The following ATG16L1 variants were observed in gnomAD, a reference collection of about 807,000 sequenced individuals.
ATG16L1 encodes autophagy-related protein 16-1.
A neutral mutation model predicts 88.5 loss-of-function variants in ATG16L1; 37 were observed. The observed-to-expected ratio is 0.42, with a 90% CI of 0.32 to 0.55. ATG16L1 has a LOEUF of 0.55. Ranked by LOEUF, ATG16L1 falls within the 20% of genes least tolerant of loss-of-function variation. ATG16L1 has a pLI of 0.13. For missense variants in ATG16L1, 554 were observed against 752.8 expected (o/e 0.74, Z 3.09); for synonymous variants, 301 against 281.0 (o/e 1.07, Z -0.71).
In ATG16L1 at chr2:233,251,895, G is replaced by A; in HGVS notation, c.68G>A (p.Arg23His). Reference protein sequence around the residue: ...WKRHISEQLRRRDRLQRQAFE... With the variant: ...WKRHISEQLRHRDRLQRQAFE... ...CGCCACATCTCGGAGCAACTGAGGC[G>A]CCGGGACCGGCTGCAGAGACAGGCG... is the stretch of plus-strand genomic sequence containing the variant. Residue 23 changes from arginine to histidine, a missense_variant, in exon 1 of 18, where the codon CGC becomes CAC. Arg to His is a conservative substitution (Grantham distance 29, BLOSUM62 0). Around this residue, in one of 5 missense-constraint regions of ATG16L1, gnomAD observed 101 missense variants for 107.0 expected, o/e 0.94. Coordinates refer to ENST00000392017, the MANE Select transcript of ATG16L1 (RefSeq NM_030803.7). 4 of 1,550,870 alleles carry A rather than the reference G, an allele frequency of 2.6e-6. No homozygotes were observed. The highest frequency in any genetic ancestry group is 2.0e-4 in the Middle Eastern group (1 of 5,068).
In ATG16L1 at chr2:233,260,785, A is replaced by G. The variant is rs1697153469; in HGVS notation, c.210-2345A>G. ...TCTAATCCTGAGGCTCCTCTGCCTG[A>G]TGATCTTGCCTCCATTTTGCCCTTC... On this transcript the variant is annotated intron_variant, in intron 2 of 17. Transcript: ENST00000392017. 2.0e-5 allele frequency among the ~76,000 whole-genome samples: 3 copies of G among 152,092 alleles called. No individual in the cohort carries two copies. The South Asian group carries it at 6.2e-4, about 31-fold the overall frequency.
In ATG16L1 at chr2:233,277,570, T is replaced by G; in HGVS notation, c.957T>G (p.Asp319Glu). ...GACACAGGGTGCTTGTCTTGCAGGA[T>G]GCACATGATGGGGAAGTCAACGCTG... ...RVPATALCVF[D>E]AHDGEVNAVQ... The change falls in exon 10 of 18, where the codon GAT (aspartate) becomes GAG (glutamate). Residue 319 changes from aspartate (D) to glutamate (E), a missense_variant and splice_region_variant. Physicochemically the swap from Asp to Glu is conservative, Grantham distance 45. Around this residue, in one of 5 missense-constraint regions of ATG16L1, gnomAD observed 370 missense variants for 509.7 expected, o/e 0.73. Transcript: ENST00000392017. The G allele has an allele frequency of 6.2e-7, 1 of 1,613,980 alleles. No homozygotes were observed.
At position 233,259,291 on chromosome 2, in the gene ATG16L1, C is replaced by G. The variant is rs114160418; in HGVS notation, c.209+3096C>G. Among the ~76,000 whole-genome samples the G allele has an allele frequency of 5.6e-3, 846 of 152,222 alleles. 5 individuals carry two copies. Among genetic ancestry groups the G allele is most frequent in the African/African-American group, 0.019 (808 of 41,516 alleles). On this transcript the variant is annotated intron_variant, in intron 2 of 17. Transcript: ENST00000392017. ...TCTAGCTTTGTGGTTCCTCATAGGA[C>G]ACATGCAGAAAATGGTGGCGTCAGC...
chr2:233,263,428 G>GA (rs1170961936), intron 3 of ATG16L1, among the ~76,000 whole-genome samples, 193 bp downstream of exon 3: 3 of 152,176 alleles, frequency 2.0e-5, no homozygotes, highest in Non-Finnish European at 4.4e-5. Context: ...CCCATCACCA[G>GA]AAGGGCAATC....
chr2:233,281,229 T>G, intron 11 of ATG16L1, 54 bp downstream of exon 11: 6 of 1,329,498 alleles, frequency 4.5e-6, no homozygotes, highest in Non-Finnish European at 5.2e-6. Context: ...TTTAAGACAT[T>G]AGGTTCTTGA....
intron 8 of ATG16L1, chr2:233,274,068 A>T (rs1698176764): frequency 6.5e-7 from 1 of 1,543,610 alleles, no homozygotes; most frequent in Non-Finnish European, 8.8e-7. Context: ...CTCTTAGTCC[A>T]GCATGTGAGT....
intron 2 of ATG16L1, among the ~76,000 whole-genome samples, chr2:233,257,769 G>A (rs1696896486): frequency 6.6e-6 from 1 of 152,106 alleles, no homozygotes; most frequent in Non-Finnish European, 1.5e-5. Context: ...CACTTTGGGA[G>A]GCCAAGGCGG....
intron 9 of ATG16L1, 45 bp downstream of exon 9, chr2:233,274,823 A>G: frequency 1.4e-6 from 2 of 1,405,062 alleles, no homozygotes; most frequent in Non-Finnish European, 2.0e-6. Flanking sequence ...TGATATGGTG[A>G]CAGAGCCTGG....
intron 14 of ATG16L1, 33 bp from the exon 15 acceptor site, chr2:233,292,095 C>T (rs374656338): frequency 3.5e-5 from 57 of 1,608,754 alleles, no homozygotes; most frequent in East Asian, 2.0e-4. Flanking sequence ...TTCTGGCCTA[C>T]GTTACATTTC....
rs772701483 is a variant in ATG16L1 at position 233,273,810 on chromosome 2, T to C, written c.851+33T>C. 5.0e-6 allele frequency: 8 copies of C among 1,599,690 alleles called. No homozygotes were observed. In the East Asian group the frequency reaches 1.6e-4, roughly 31 times the overall value. On this transcript the variant is annotated intron_variant, in intron 8 of 17. Coordinates refer to ENST00000392017, the MANE Select transcript of ATG16L1 (RefSeq NM_030803.7). ...AGAAGACCTTTCCTTTTTAAATGTG[T>C]ATAAGTATACCTAAGTATATGTACA...
chr2:233,289,934 C>G lies in ATG16L1; in HGVS notation c.1284C>G (p.His428Gln), dbSNP rs202029236. 3 of 1,614,156 alleles carry G rather than the reference C, an allele frequency of 1.9e-6. No homozygotes were observed. The highest frequency in any genetic ancestry group is 1.7e-6 in the Non-Finnish European group (2 of 1,180,024). ...LDNARIVSGS[H>Q]DRTLKLWDLR... ...ATGCGCGGATTGTCTCAGGAAGTCA[C>G]GACCGGACTCTCAAACTCTGGGATC... The change falls in exon 13 of 18, where the codon CAC becomes CAG. Residue 428 changes from histidine (H) to glutamine (Q), a missense_variant. His to Gln is a conservative substitution (Grantham distance 24). Coordinates refer to ENST00000392017, the MANE Select transcript of ATG16L1 (RefSeq NM_030803.7).
At chr2:233,266,229 G>T in intron 5 of ATG16L1, 1 of 145,852 alleles carries the variant, frequency 6.9e-6, no homozygotes, top group South Asian at 2.1e-4. Flanking sequence ...AGGCGGAGGC[G>T]GGAGGATCGC....
intron 12 of ATG16L1, among the ~76,000 whole-genome samples, chr2:233,283,724 A>G (rs1698880767): frequency 6.6e-6 from 1 of 151,520 alleles, no homozygotes; most frequent in Non-Finnish European, 1.5e-5. Context: ...TTTAGTAGAG[A>G]TGGGGTTTCA....
chr2:233,263,302 C>G (rs920910020), intron 3 of ATG16L1, 67 bp downstream of exon 3: 25 of 1,419,324 alleles, frequency 1.8e-5, no homozygotes, highest in African/African-American at 1.7e-4. Flanking sequence ...AGCGGGGGAG[C>G]TCAGTCACTT....
At chr2:233,278,401 C>T (rs1478952121) in intron 10 of ATG16L1, among the ~76,000 whole-genome samples, 7 of 152,222 alleles carry the variant, frequency 4.6e-5, no homozygotes, top group Admixed American at 4.6e-4. Flanking sequence ...ACGGGAACCA[C>T]TTTGCCAAGT....
chr2:233,286,621 C>T (rs1400734901), intron 12 of ATG16L1, among the ~76,000 whole-genome samples: 6 of 93,292 alleles, frequency 6.4e-5, no homozygotes, highest in South Asian at 4.4e-4. Flanking sequence ...GAAGCCCAAA[C>T]TTTTTTTTTT....
chr2:233,263,857 C>G lies in ATG16L1; in HGVS notation c.316-135C>G. 3 of 702,482 alleles carry G rather than the reference C, an allele frequency of 4.3e-6. No individual in the cohort carries two copies. The South Asian group carries it at 5.4e-5, about 13-fold the overall frequency. 43.5% of individuals were successfully genotyped at this position (702,482 alleles called of 1,614,324 possible). A position where few individuals can be genotyped will look rare whatever the true frequency, so the allele number is the denominator to read the frequency against. ...GGCAGGGATAGTTCCCCTTTGTGTC[C>G]CCATAGGCGCCTCGGCTCCTTGCTG... is the stretch of plus-strand genomic sequence containing the variant. On this transcript the variant is annotated intron_variant, in intron 3 of 17. Coordinates refer to ENST00000392017, the MANE Select transcript of ATG16L1 (RefSeq NM_030803.7).
At chr2:233,253,252 G>A (rs147415546) in intron 1 of ATG16L1, among the ~76,000 whole-genome samples, 14 of 150,858 alleles carry the variant, frequency 9.3e-5, no homozygotes, top group African/African-American at 3.2e-4. Flanking sequence ...AACTGTTATT[G>A]CCATTTTCAC....
intron 12 of ATG16L1, chr2:233,288,553 A>G (rs1699234902): frequency 3.1e-6 from 1 of 325,446 alleles, no homozygotes; most frequent in Non-Finnish European, 6.1e-6. Context: ...AAGTGCTAGG[A>G]TTACCAGTGT....
Sources: allele counts gnomAD v4.1 joint callset (sites outside exome capture counted in the v4.1 genomes callset), GRCh38; gene constraint gnomAD v4.1.1; regional missense constraint gnomAD v4.1.1; transcripts MANE v1.5; gene names NCBI Gene and HGNC (gene_info 2026-07-23, HGNC 2026-07-21).